The following DIPK1A variants were observed in gnomAD, a reference collection of about 807,000 sequenced individuals.
DIPK1A encodes divergent protein kinase domain 1A, also known as family with sequence similarity 69 member A.
A neutral mutation model predicts 40.8 loss-of-function variants in DIPK1A; 27 were observed. The observed-to-expected ratio is 0.66, with a 90% CI of 0.49 to 0.91. The LOEUF is 0.91. Ranked by LOEUF, DIPK1A falls within the 40% of genes least tolerant of loss-of-function variation. DIPK1A has a pLI of 0.00. For missense variants in DIPK1A, 412 were observed against 505.7 expected (o/e 0.81, Z 1.78); for synonymous variants, 166 against 171.3 (o/e 0.97, Z 0.24).
Position 92,911,771 on chromosome 1 carries a change from C to T in DIPK1A, c.55-35341G>A, listed in dbSNP as rs183061616. Among the ~76,000 whole-genome samples the T allele has an allele frequency of 4.1e-3, 621 of 151,934 alleles. 14 individuals are homozygous for T. Among genetic ancestry groups the T allele is most frequent in the Admixed American group, 0.037 (557 of 15,246 alleles). On this transcript the variant is annotated intron_variant, in intron 1 of 4. Transcript: ENST00000370310. Reference sequence around the variant, plus strand: ...ATCCCAGCACTTTGGGAGGCCTAGGCGGGTAGATCACTTGAGGTCAGGAGT... The same window carrying T: ...ATCCCAGCACTTTGGGAGGCCTAGGTGGGTAGATCACTTGAGGTCAGGAGT...
chr1:92,868,427 G>A (rs923454996), intron 2 of DIPK1A, among the ~76,000 whole-genome samples: 16 of 152,192 alleles, frequency 1.1e-4, no homozygotes, highest in Non-Finnish European at 2.9e-5. Flanking sequence ...TTGGGCATTT[G>A]CATTCACTGT....
downstream of DIPK1A, chr1:92,840,465 TAGA>T (rs1557443952): frequency 1.0e-6 from 1 of 982,606 alleles, no homozygotes; most frequent in African/African-American, 1.6e-5. Context: ...GAATCTGGCT[TAGA>T]AGGACAAGAT....
At chr1:92,878,356 A>G (rs541317863) in intron 1 of DIPK1A, among the ~76,000 whole-genome samples, 3 of 152,220 alleles carry the variant, frequency 2.0e-5, no homozygotes, top group African/African-American at 7.2e-5. Context: ...ATCAGTCTGG[A>G]CAATATAGTG....
chr1:92,956,818 T>C (rs1234693499), intron 1 of DIPK1A, among the ~76,000 whole-genome samples: 3 of 152,194 alleles, frequency 2.0e-5, no homozygotes, highest in Non-Finnish European at 4.4e-5. Context: ...CATTCACTCA[T>C]AACAACCCTA....
chr1:92,880,731 G>A (rs998754298), intron 1 of DIPK1A, among the ~76,000 whole-genome samples: 2 of 151,980 alleles, frequency 1.3e-5, no homozygotes, highest in Non-Finnish European at 2.9e-5. Context: ...TTGGCTGGGC[G>A]TGGTGGCGTG....
intron 1 of DIPK1A, among the ~76,000 whole-genome samples, chr1:92,908,704 CAT>C (rs1336254831): frequency 6.6e-6 from 1 of 152,122 alleles, no homozygotes; most frequent in Non-Finnish European, 1.5e-5. Flanking sequence ...GAAACTAGCA[CAT>C]GTTTAAATGT....
intron 1 of DIPK1A, among the ~76,000 whole-genome samples, chr1:92,907,836 T>C (rs1267974773): frequency 6.6e-6 from 1 of 151,158 alleles, no homozygotes; most frequent in African/African-American, 2.5e-5. Context: ...CATTTCACTT[T>C]ATGTAAATTC....
chr1:92,850,922 G>A lies in DIPK1A; in HGVS notation c.223C>T (p.Pro75Ser), dbSNP rs754758614. Residue 75 changes from proline (P) to serine (S), a missense_variant, in exon 3 of 5, where the codon CCT (proline) becomes TCT (serine). Physicochemically the swap from Pro to Ser is moderately conservative, Grantham distance 74. Transcript: ENST00000370310. Reference protein sequence around the residue: ...DKYKTGVIDGPACNSLCVTET... With the variant: ...DKYKTGVIDGSACNSLCVTET... ...GTAACACAAAGGCTGTTACATGCAG[G>A]CCCATCAATAACTCCAGTCTTGTAC... 3 of 1,574,334 alleles carry A rather than the reference G, an allele frequency of 1.9e-6. No homozygotes were observed. In the Admixed American group the frequency reaches 5.5e-5, roughly 29 times the overall value.
At chr1:92,926,415 G>T (rs975192434) in intron 1 of DIPK1A, among the ~76,000 whole-genome samples, 1 of 152,204 alleles carries the variant, frequency 6.6e-6, no homozygotes, top group South Asian at 2.1e-4. Context: ...ATTAAGACTT[G>T]TTTCATGGCC....
intron 1 of DIPK1A, among the ~76,000 whole-genome samples, chr1:92,910,031 T>C (rs1339184728): frequency 6.6e-6 from 1 of 152,180 alleles, no homozygotes; most frequent in Non-Finnish European, 1.5e-5. Flanking sequence ...GAAGGGCTCC[T>C]TCCATCTAAG....
intron 4 of DIPK1A, among the ~76,000 whole-genome samples, chr1:92,835,976 A>G (rs1463331742): frequency 6.6e-6 from 1 of 152,224 alleles, no homozygotes; most frequent in African/African-American, 2.4e-5. Context: ...AAAGTCATAA[A>G]ACAAAATTGT....
At chr1:92,839,938 T>C (rs1040177140), downstream of DIPK1A, among the ~76,000 whole-genome samples, 2 of 151,950 alleles carry the variant, frequency 1.3e-5, no homozygotes, top group African/African-American at 4.8e-5. Context: ...ACTTCTGGGC[T>C]CAAGCAATTC....
At chr1:92,896,403 GA>G (rs1175599838) in intron 1 of DIPK1A, among the ~76,000 whole-genome samples, 1 of 152,096 alleles carries the variant, frequency 6.6e-6, no homozygotes, top group Non-Finnish European at 1.5e-5. Context: ...AAGAAATGGG[GA>G]AAGGATTCCC....
chr1:92,858,635 A>C (rs1382996098), intron 2 of DIPK1A, among the ~76,000 whole-genome samples: 3 of 152,200 alleles, frequency 2.0e-5, no homozygotes, highest in Non-Finnish European at 4.4e-5. Flanking sequence ...GAAGCAGTAA[A>C]GACTAGTCTG....
At chr1:92,856,408 C>G (rs1244589744) in intron 2 of DIPK1A, among the ~76,000 whole-genome samples, 3 of 148,534 alleles carry the variant, frequency 2.0e-5, no homozygotes, top group Non-Finnish European at 4.5e-5. Context: ...AGTTTATTTA[C>G]TATTATTTAT....
Position 92,850,844 on chromosome 1 carries a change from A to G in DIPK1A, c.297+4T>C. On this transcript the variant is annotated splice_donor_region_variant and intron_variant, in intron 3 of 4. Coordinates refer to ENST00000370310, the MANE Select transcript of DIPK1A (RefSeq NM_001006605.5). ...TCTGGAATGTTTATTCATAATGGCC[A>G]TACCTGATTGTTGGGCTTGGTGGAT... is the stretch of plus-strand genomic sequence containing the variant. The G allele has an allele frequency of 6.5e-7, 1 of 1,528,600 alleles. No homozygotes were observed. Among genetic ancestry groups the G allele is most frequent in the Non-Finnish European group, 8.9e-7 (1 of 1,124,040 alleles). The allele number at this position is 1,528,600 out of a possible 1,614,324, so 94.7% of individuals were successfully genotyped here.
intron 1 of DIPK1A, among the ~76,000 whole-genome samples, chr1:92,880,532 T>TACA (rs2100783250): frequency 6.6e-6 from 1 of 152,312 alleles, no homozygotes; most frequent in East Asian, 1.9e-4. Flanking sequence ...TACATTAAGT[T>TACA]TTAAAAATAG....
At chr1:92,913,864 T>C (rs1226398646) in intron 1 of DIPK1A, among the ~76,000 whole-genome samples, 1 of 152,140 alleles carries the variant, frequency 6.6e-6, no homozygotes, top group African/African-American at 2.4e-5. Flanking sequence ...ATATTACCAT[T>C]CTGGAAAAAG....
At chr1:92,870,191 T>A (rs1647769508) in intron 2 of DIPK1A, among the ~76,000 whole-genome samples, 1 of 152,170 alleles carries the variant, frequency 6.6e-6, no homozygotes, top group African/African-American at 2.4e-5. Context: ...ACTTTCAACA[T>A]CTTCATATAT....
Sources: gnomAD v4.1 joint callset for allele counts (sites outside exome capture counted in the v4.1 genomes callset) on GRCh38, gnomAD v4.1.1 for gene constraint, MANE v1.5 for transcripts, NCBI Gene and HGNC (gene_info 2026-07-23, HGNC 2026-07-21) for gene names.